AKT2: variants seen among roughly 807,000 people sequenced by gnomAD.
AKT2 encodes the protein AKT serine/threonine kinase 2.
Under a neutral mutation model 58.6 loss-of-function variants are expected in AKT2, and 16 were observed. That is an observed-to-expected ratio of 0.27 (90% CI 0.18 to 0.41). The LOEUF (loss-of-function observed/expected upper bound fraction) is 0.41, where lower values mean the gene tolerates loss of function less well. Among genes scored for constraint, AKT2 ranks in the 10% least tolerant of loss-of-function variants. The pLI, the probability that AKT2 is intolerant of heterozygous loss-of-function variation, is 1.00. For missense variants in AKT2, 438 were observed against 661.0 expected, an observed-to-expected ratio of 0.66 and a Z score of 3.70; for synonymous variants, 253 against 254.0, an observed-to-expected ratio of 1.00 and a Z score of 0.04.
intron 1 of AKT2, among the ~76,000 whole-genome samples, chr19:40,266,831 A>G (rs1049112518): frequency 6.6e-6 from 1 of 152,230 alleles, no homozygotes; most frequent in Non-Finnish European, 1.5e-5. Context: ...TTAGCCAGGC[A>G]TGGTGCTGTG....
chr19:40,277,645 T>G (rs959432151), intron 1 of AKT2, among the ~76,000 whole-genome samples: 21 of 152,166 alleles, frequency 1.4e-4, no homozygotes, highest in African/African-American at 5.1e-4. Flanking sequence ...TCGCCTTCCT[T>G]GCGGCCTTTA....
chr19:40,254,821 A>G (rs183839099), intron 4 of AKT2, among the ~76,000 whole-genome samples: 402 of 151,778 alleles, frequency 2.6e-3, no homozygotes, highest in Non-Finnish European at 4.4e-3. Flanking sequence ...GGGCAATAAG[A>G]GCGAAACTCC....
chr19:40,272,721 G>A (rs1410704320), intron 1 of AKT2, among the ~76,000 whole-genome samples: 1 of 152,140 alleles, frequency 6.6e-6, no homozygotes, highest in Admixed American at 6.5e-5. Context: ...TCAGGGCACG[G>A]GGAGGTATGT....
chr19:40,275,427 C>G (rs560365684), intron 1 of AKT2: 1 of 409,736 alleles, frequency 2.4e-6, no homozygotes, highest in South Asian at 1.7e-5. Flanking sequence ...TCAGTGAGCA[C>G]TCACAAAGCA....
chr19:40,264,410 C>T (rs569724903), intron 2 of AKT2, among the ~76,000 whole-genome samples: 2 of 152,314 alleles, frequency 1.3e-5, no homozygotes, highest in African/African-American at 4.8e-5. Flanking sequence ...GATCAGGCCA[C>T]GCATCGGCTC....
At position 40,257,134 on chromosome 19, in the gene AKT2, G is replaced by A. The variant is rs547663302; in HGVS notation, c.47-80C>T. On this transcript the variant is annotated intron_variant, in intron 2 of 13. Coordinates refer to ENST00000392038, the MANE Select transcript of AKT2 (RefSeq NM_001626.6). ...CCAGGTAGGCGGCAGGAGGCCCAGTGTGACGGTGACTCACAAGGGGTACCA... is the reference window on the plus strand; with the variant it reads ...CCAGGTAGGCGGCAGGAGGCCCAGTATGACGGTGACTCACAAGGGGTACCA... The A allele has an allele frequency of 2.3e-5, 36 of 1,551,810 alleles. No individual in the cohort carries two copies. In the South Asian group the frequency reaches 3.1e-4, roughly 13 times the overall value.
At chr19:40,277,346 C>T (rs2077345445) in intron 1 of AKT2, among the ~76,000 whole-genome samples, 1 of 152,196 alleles carries the variant, frequency 6.6e-6, no homozygotes, top group African/African-American at 2.4e-5. Flanking sequence ...ACACCTCCTC[C>T]CACCCGCCAA....
rs1568513914 is a variant in AKT2, at chr19:40,233,787, CA to C, written c.*84del. The C allele has an allele frequency of 7.0e-7, 1 of 1,430,298 alleles. No individual in the cohort carries two copies. The highest frequency in any genetic ancestry group is 9.7e-7 in the Non-Finnish European group (1 of 1,030,680). The allele number at this position is 1,430,298 out of a possible 1,614,324, so 88.6% of individuals were successfully genotyped here. On this transcript the variant is annotated 3_prime_UTR_variant, in exon 14 of 14. Coordinates refer to ENST00000392038, the MANE Select transcript of AKT2 (RefSeq NM_001626.6). The surrounding 1 kb of genome is among the most constrained non-coding windows in gnomAD (Gnocchi z 4.3). Reference sequence around the variant, plus strand: ...AGGAGGTGGGGGTGGGGACACAAACCAAAAAGGCTAAGTAAAAAGTTAGGGG... The same window carrying C: ...AGGAGGTGGGGGTGGGGACACAAACCAAAAGGCTAAGTAAAAAGTTAGGGG...
chr19:40,251,875 A>G (rs1053560482), intron 4 of AKT2, among the ~76,000 whole-genome samples: 5 of 152,248 alleles, frequency 3.3e-5, no homozygotes, highest in Non-Finnish European at 5.9e-5. Context: ...CACAAGTTCA[A>G]GTTCAGCATA....
Position 40,256,966 on chromosome 19 carries a change from A to G in AKT2, c.135T>C (p.Pro45=). 6.2e-7 allele frequency: 1 copy of G among 1,614,180 alleles called. No individual in the cohort carries two copies. Among genetic ancestry groups the G allele is most frequent in the Non-Finnish European group, 8.5e-7 (1 of 1,180,000 alleles). Residue 45 remains proline (P), a synonymous_variant, in exon 3 of 14, where the codon CCT becomes CCC. Transcript: ENST00000392038. ...TGTTTAAGGGGGGTAGAGTCTGATC[A>G]GGGGCCTCGGGCCTCTCCTTGTACC... ...FIGYKERPEA[P]DQTLPPLNNF...
Position 40,245,636 on chromosome 19 carries a change from C to T in AKT2, c.288-2949G>A, listed in dbSNP as rs143021920. 5.3e-5 allele frequency among the ~76,000 whole-genome samples: 8 copies of T among 152,258 alleles called. No homozygotes were observed. The East Asian group carries it at 1.4e-3, about 26-fold the overall frequency. On this transcript the variant is annotated intron_variant, in intron 4 of 13. Transcript: ENST00000392038. ...ACCCATTATGAAGGAGGAACTGGGG[C>T]ACAGATTGAAAAAACAGATTCCAGA...
intron 4 of AKT2, among the ~76,000 whole-genome samples, chr19:40,253,999 A>G (rs1004965325): frequency 1.3e-4 from 20 of 150,708 alleles, no homozygotes; most frequent in Admixed American, 7.9e-4. Flanking sequence ...AAAAAAAAAA[A>G]GGCAGCCAGG....
intron 3 of AKT2, 34 bp from the exon 4 acceptor site, chr19:40,255,303 A>T: frequency 6.4e-7 from 1 of 1,565,544 alleles, no homozygotes; most frequent in Non-Finnish European, 8.8e-7. Flanking sequence ...CAGGGGGCTG[A>T]GGGGATAGCC....
At chr19:40,275,206 C>T (rs1187110415) in intron 1 of AKT2, 1 of 456,918 alleles carries the variant, frequency 2.2e-6, no homozygotes, top group Non-Finnish European at 4.4e-6. Flanking sequence ...AGAGACAGGG[C>T]CACCTCCCAT....
chr19:40,235,317 G>T lies in AKT2; in HGVS notation c.1209C>A (p.Val403=). 1 of 1,613,968 alleles carries T rather than the reference G, an allele frequency of 6.2e-7. No individual in the cohort carries two copies. The highest frequency in any genetic ancestry group is 8.5e-7 in the Non-Finnish European group (1 of 1,180,006). ...LGGGPSDAKE[V]MEHRFFLSIN... Reference sequence around the variant, plus strand: ...TGCTGAGGAAGAACCTGTGCTCCATGACCTCCTTGGCATCGCTGGGCCCCC... The same window carrying T: ...TGCTGAGGAAGAACCTGTGCTCCATTACCTCCTTGGCATCGCTGGGCCCCC... The change falls in exon 12 of 14, where the codon GTC becomes GTA. Residue 403 remains valine, a synonymous_variant. Coordinates refer to ENST00000392038, the MANE Select transcript of AKT2 (RefSeq NM_001626.6). The surrounding 1 kb of genome is among the most constrained non-coding windows in gnomAD (Gnocchi z 6.3).
intron 2 of AKT2, among the ~76,000 whole-genome samples, chr19:40,263,349 T>C (rs1419439559): frequency 6.6e-6 from 1 of 152,226 alleles, no homozygotes; most frequent in Non-Finnish European, 1.5e-5. Context: ...GCCTACTGTA[T>C]GCCCACCACT....
chr19:40,257,405 C>T (rs76434446), intron 2 of AKT2, among the ~76,000 whole-genome samples: 6,920 of 152,332 alleles, frequency 0.045, 246 homozygotes, highest in Middle Eastern at 0.085. Flanking sequence ...ACACACATGC[C>T]CTGTGGCCCT....
chr19:40,240,446 C>T, intron 6 of AKT2: 3 of 524,840 alleles, frequency 5.7e-6, no homozygotes, highest in Non-Finnish European at 1.1e-5. Context: ...TGTGGGAAGT[C>T]CCACCTAGAA....
chr19:40,253,422 CATAA>C (rs1448346759), intron 4 of AKT2, among the ~76,000 whole-genome samples: 15 of 147,116 alleles, frequency 1.0e-4, no homozygotes, highest in Non-Finnish European at 2.1e-4. Context: ...AGAGCTAATA[CATAA>C]ATAAGAAAAA....
Sources: allele counts gnomAD v4.1 joint callset (sites outside exome capture counted in the v4.1 genomes callset), GRCh38; gene constraint gnomAD v4.1.1; non-coding constraint Gnocchi (gnomAD v3.1); transcripts MANE v1.5; gene names NCBI Gene and HGNC (gene_info 2026-07-23, HGNC 2026-07-21).